EFCAB6: variants seen among roughly 807,000 people sequenced by gnomAD.
EFCAB6 encodes EF-hand calcium-binding domain-containing protein 6.
EFCAB6 carries 156 observed loss-of-function variants against 169.8 expected under a neutral mutation model. That is an observed-to-expected ratio of 0.92 (90% CI 0.81 to 1.05). EFCAB6 has a LOEUF of 1.05. Ranked by LOEUF, EFCAB6 falls within the 50% of genes least tolerant of loss-of-function variation. EFCAB6 has a pLI of 0.00. For synonymous variants in EFCAB6, 698 were observed against 676.4 expected (o/e 1.03, Z -0.50); for missense variants, 1,800 against 1,829.1 (o/e 0.98, Z 0.29).
chr22:43,699,920 G>A (rs1302098234), intron 10 of EFCAB6, among the ~76,000 whole-genome samples: 1 of 152,196 alleles, frequency 6.6e-6, no homozygotes, highest in East Asian at 1.9e-4. Context: ...GTGAAGACCT[G>A]CTCACATGAT....
At chr22:43,701,997 A>C (rs952663863) in intron 10 of EFCAB6, among the ~76,000 whole-genome samples, 1 of 152,156 alleles carries the variant, frequency 6.6e-6, no homozygotes, top group African/African-American at 2.4e-5. Flanking sequence ...GACAAAATTA[A>C]ATTAACCAAT....
intron 10 of EFCAB6, among the ~76,000 whole-genome samples, chr22:43,689,589 G>A (rs1044441737): frequency 6.6e-6 from 1 of 152,102 alleles, no homozygotes; most frequent in African/African-American, 2.4e-5. Flanking sequence ...ACGCTTGATC[G>A]GCCCCAAGAA....
In EFCAB6 at chr22:43,559,292, C is replaced by G. The variant is rs568412896; in HGVS notation, c.3421-4196G>C. On this transcript the variant is annotated intron_variant, in intron 26 of 31. Transcript: ENST00000262726. ...ATCATCACTGGTCATTAGAGAAATG[C>G]AAACCAAAACCACAATAAGATACCC... 1.4e-4 allele frequency among the ~76,000 whole-genome samples: 22 copies of G among 152,246 alleles called. No homozygotes were observed. In the East Asian group the frequency reaches 4.2e-3, roughly 29 times the overall value.
At chr22:43,626,067 ATGTG>A (rs1307370048) in intron 20 of EFCAB6, among the ~76,000 whole-genome samples, 2 of 152,116 alleles carry the variant, frequency 1.3e-5, no homozygotes, top group Non-Finnish European at 2.9e-5. Flanking sequence ...ATATATATGT[ATGTG>A]TGTATATATA....
Position 43,728,201 on chromosome 22 carries a change from C to T in EFCAB6, c.757+3498G>A, listed in dbSNP as rs189673784. On this transcript the variant is annotated intron_variant, in intron 8 of 31. Coordinates refer to ENST00000262726, the MANE Select transcript of EFCAB6 (RefSeq NM_022785.4). ...TCCTGTGTTAGTTTGCTGAGAATAA[C>T]GGTTTCCAACTTCATCCATGTACCA... is the stretch of plus-strand genomic sequence containing the variant. Among the ~76,000 whole-genome samples, 92 of 152,204 alleles carry T rather than the reference C, an allele frequency of 6.0e-4. 1 individual carries two copies. In the East Asian group the frequency reaches 0.016, roughly 27 times the overall value.
intron 2 of EFCAB6, among the ~76,000 whole-genome samples, chr22:43,791,342 C>T (rs1315987435): frequency 6.7e-6 from 1 of 148,878 alleles, no homozygotes; most frequent in Non-Finnish European, 1.5e-5. Flanking sequence ...CACTGCACTT[C>T]AGCCTGGGTG....
At chr22:43,625,369 A>G (rs187025053) in intron 20 of EFCAB6, among the ~76,000 whole-genome samples, 4 of 152,360 alleles carry the variant, frequency 2.6e-5, no homozygotes, top group Non-Finnish European at 5.9e-5. Flanking sequence ...CAGTACTAGC[A>G]TAGCGCACAG....
chr22:43,662,159 AAATAATAATAATAATAATAAT>A (rs55680208), intron 17 of EFCAB6, among the ~76,000 whole-genome samples: 3 of 137,174 alleles, frequency 2.2e-5, no homozygotes, highest in South Asian at 5.0e-4. Flanking sequence ...CTCCATTTCA[AAATAATAATAATAATAATAAT>A]AATAATAATA....
intron 12 of EFCAB6, 56 bp downstream of exon 12, chr22:43,683,691 G>T: frequency 7.9e-7 from 1 of 1,266,094 alleles, no homozygotes; most frequent in Non-Finnish European, 1.2e-6. Context: ...TGTTCTGAGT[G>T]TTTGCATTCT....
In EFCAB6 at chr22:43,602,209, G is replaced by A. The variant is rs117155271; in HGVS notation, c.2682-1946C>T. On this transcript the variant is annotated intron_variant, in intron 22 of 31. Coordinates refer to ENST00000262726, the MANE Select transcript of EFCAB6 (RefSeq NM_022785.4). The stretch of plus-strand genomic sequence containing the variant: ...GACCATCAGCTCCTTATCCCCTGCA[G>A]ACCTTTTCAGGTGTCTATTATGAGG... 4.0e-4 allele frequency among the ~76,000 whole-genome samples: 61 copies of A among 152,330 alleles called. 2 individuals are homozygous for A. The highest frequency in any genetic ancestry group is 6.8e-3 in the Middle Eastern group (2 of 294).
Position 43,731,721 on chromosome 22 carries a change from A to G in EFCAB6, c.735T>C (p.Leu245=), listed in dbSNP as rs376303666. 3 of 1,593,044 alleles carry G rather than the reference A, an allele frequency of 1.9e-6. No homozygotes were observed. Among genetic ancestry groups the G allele is most frequent in the Non-Finnish European group, 1.7e-6 (2 of 1,171,882 alleles). The change falls in exon 8 of 32, where the codon CTT becomes CTC. Residue 245 remains leucine (L), a synonymous_variant. Coordinates refer to ENST00000262726, the MANE Select transcript of EFCAB6 (RefSeq NM_022785.4). ...TACCTTGATTTCCCATACAATATCT[A>G]AGGTTCAAGTCGTTATTTATGCTGA... is the stretch of plus-strand genomic sequence containing the variant. ...KNLSINNDLN[L]RYCMGNQEVS... is the part of the protein sequence containing the mutation.
chr22:43,576,373 C>A lies in EFCAB6; in HGVS notation c.3344G>T (p.Arg1115Met). The A allele has an allele frequency of 6.3e-7, 1 of 1,599,966 alleles. No homozygotes were observed. Among genetic ancestry groups the A allele is most frequent in the African/African-American group, 1.4e-5 (1 of 74,054 alleles). Reference protein sequence around the residue: ...LTDNQYHYFLRKLRIHLTPYI... With the variant: ...LTDNQYHYFLMKLRIHLTPYI... ...GGGGGTTAGATGAATTCTTAGTTTC[C>A]TCAAAAAATAATGATACTGATTGTC... Residue 1115 changes from arginine (R) to methionine (M), a missense_variant, in exon 26 of 32, where the codon AGG (arginine) becomes ATG (methionine). Physicochemically the swap from Arg to Met is moderately conservative, Grantham distance 91 (BLOSUM62 -1). Coordinates refer to ENST00000262726, the MANE Select transcript of EFCAB6 (RefSeq NM_022785.4).
At chr22:43,767,832 CA>C (rs2061362723) in intron 4 of EFCAB6, among the ~76,000 whole-genome samples, 1 of 152,202 alleles carries the variant, frequency 6.6e-6, no homozygotes, top group Non-Finnish European at 1.5e-5. Context: ...TGATAGTCTC[CA>C]AAGCTAAGCC....
At chr22:43,786,785 T>A (rs185607859) in intron 2 of EFCAB6, among the ~76,000 whole-genome samples, 25 of 152,030 alleles carry the variant, frequency 1.6e-4, no homozygotes, top group Admixed American at 1.6e-3. Flanking sequence ...ATATTCCTTA[T>A]GAGTATAGGG....
At chr22:43,750,001 C>A (rs2060700090) in intron 6 of EFCAB6, among the ~76,000 whole-genome samples, 1 of 152,130 alleles carries the variant, frequency 6.6e-6, no homozygotes. Context: ...TGTTGGTGTT[C>A]AAATGCATGC....
intron 10 of EFCAB6, among the ~76,000 whole-genome samples, chr22:43,694,819 A>T (rs935356855): frequency 6.6e-6 from 1 of 152,052 alleles, no homozygotes; most frequent in African/African-American, 2.4e-5. Flanking sequence ...AAAGGACATC[A>T]ACAACAGCAA....
intron 9 of EFCAB6, 62 bp downstream of exon 9, chr22:43,716,786 C>A: frequency 6.5e-7 from 1 of 1,533,996 alleles, no homozygotes; most frequent in Non-Finnish European, 8.7e-7. Flanking sequence ...TAATAGTTTT[C>A]CATATTGTCT....
chr22:43,798,947 A>G (rs1441066276), intron 2 of EFCAB6, among the ~76,000 whole-genome samples: 2 of 152,160 alleles, frequency 1.3e-5, no homozygotes, highest in Admixed American at 1.3e-4. Flanking sequence ...TGGGTCTCCA[A>G]CTTCACCTCT....
intron 17 of EFCAB6, among the ~76,000 whole-genome samples, chr22:43,649,828 A>G (rs1228067131): frequency 1.3e-5 from 2 of 152,220 alleles, no homozygotes; most frequent in Non-Finnish European, 2.9e-5. Context: ...AGAATGAGCC[A>G]TTTGCTAATC....
Sources: gnomAD v4.1 joint callset for allele counts (sites outside exome capture counted in the v4.1 genomes callset) on GRCh38, gnomAD v4.1.1 for gene constraint, MANE v1.5 for transcripts, NCBI Gene and HGNC (gene_info 2026-07-23, HGNC 2026-07-21) for gene names.